ZBTB10: variants seen among roughly 807,000 people sequenced by gnomAD.
ZBTB10 encodes the protein zinc finger and BTB domain containing 10.
ZBTB10 carries 32 observed loss-of-function variants against 76.4 expected under a neutral mutation model. The observed-to-expected ratio is 0.42, with a 90% CI of 0.32 to 0.56. The LOEUF is 0.56. Ranked by LOEUF, ZBTB10 falls within the 20% of genes least tolerant of loss-of-function variation. ZBTB10 has a pLI of 0.14. For synonymous variants in ZBTB10, 523 were observed against 432.9 expected, an observed-to-expected ratio of 1.21 and a Z score of -2.58; for missense variants, 1,057 against 1,098.5, an observed-to-expected ratio of 0.96 and a Z score of 0.53.
At chr8:80,495,049 A>G (rs1815746124) in intron 1 of ZBTB10, among the ~76,000 whole-genome samples, 1 of 151,836 alleles carries the variant, frequency 6.6e-6, no homozygotes. Context: ...TTTCGATTAT[A>G]TCACTGCTTC....
chr8:80,501,396 T>C (rs759026075), intron 2 of ZBTB10, among the ~76,000 whole-genome samples: 5 of 152,256 alleles, frequency 3.3e-5, no homozygotes, highest in Non-Finnish European at 7.3e-5. Context: ...TGCATATCTT[T>C]ATTTGAAGAA....
chr8:80,504,398 T>G (rs1815999794), intron 2 of ZBTB10, among the ~76,000 whole-genome samples: 1 of 152,220 alleles, frequency 6.6e-6, no homozygotes, highest in Non-Finnish European at 1.5e-5. Flanking sequence ...AAGATACAGT[T>G]CTAATAACGC....
intron 1 of ZBTB10, among the ~76,000 whole-genome samples, chr8:80,497,683 CTTT>C (rs397891910): frequency 9.1e-5 from 8 of 87,642 alleles, no homozygotes; most frequent in Admixed American, 1.4e-4. Flanking sequence ...GTCCTGGAAT[CTTT>C]TTTTTTTTTT....
chr8:80,509,120 G>C (rs1816128906), intron 2 of ZBTB10, among the ~76,000 whole-genome samples: 1 of 152,098 alleles, frequency 6.6e-6, no homozygotes, highest in Non-Finnish European at 1.5e-5. Context: ...AACTGTAAAG[G>C]GTGGTTTATA....
At chr8:80,489,696 C>T (rs1226520475) in intron 1 of ZBTB10, among the ~76,000 whole-genome samples, 1 of 152,140 alleles carries the variant, frequency 6.6e-6, no homozygotes, top group Non-Finnish European at 1.5e-5. Flanking sequence ...CTAAACTTGA[C>T]CCGAACTACG....
rs1033055442 is a variant in ZBTB10, at chr8:80,521,608, G to C, written c.*2080G>C. On this transcript the variant is annotated 3_prime_UTR_variant, in exon 6 of 6. Coordinates refer to ENST00000455036, the MANE Select transcript of ZBTB10 (RefSeq NM_001105539.3). ...CAGTTCACTTATTGCATAGAAACTGGACTTGGCTTTACATTCTTAATGTAC... is the reference window on the plus strand; with the variant it reads ...CAGTTCACTTATTGCATAGAAACTGCACTTGGCTTTACATTCTTAATGTAC... The C allele has an allele frequency of 6.6e-6, 1 of 151,638 alleles. No homozygotes were observed. The highest frequency in any genetic ancestry group is 1.5e-5 in the Non-Finnish European group (1 of 67,726). 9.4% of individuals were successfully genotyped at this position (151,638 alleles called of 1,614,324 possible).
chr8:80,493,203 G>A (rs954698207), intron 1 of ZBTB10, among the ~76,000 whole-genome samples: 123 of 107,818 alleles, frequency 1.1e-3, no homozygotes, highest in Non-Finnish European at 2.1e-3. Context: ...ACGCGCGCGC[G>A]CGCGCACACA....
At chr8:80,497,026 G>A (rs1405690717) in intron 1 of ZBTB10, among the ~76,000 whole-genome samples, 1 of 152,098 alleles carries the variant, frequency 6.6e-6, no homozygotes, top group African/African-American at 2.4e-5. Flanking sequence ...TCTATAGAGA[G>A]CATAGGCAAA....
chr8:80,489,135 C>T (rs1442416847), intron 1 of ZBTB10, among the ~76,000 whole-genome samples: 1 of 152,124 alleles, frequency 6.6e-6, no homozygotes, highest in African/African-American at 2.4e-5. Flanking sequence ...AGACTAGAGC[C>T]TGTAAGGAAT....
chr8:80,490,964 G>C (rs537483132), intron 1 of ZBTB10, among the ~76,000 whole-genome samples: 1 of 152,298 alleles, frequency 6.6e-6, no homozygotes, highest in East Asian at 1.9e-4. Flanking sequence ...AGCACTTTGC[G>C]GGGCCGAGGT....
rs1216458670 is a variant in ZBTB10, at chr8:80,524,116, C to T, written c.*4588C>T. The T allele has an allele frequency of 2.0e-5, 3 of 151,952 alleles. No individual in the cohort carries two copies. The highest frequency in any genetic ancestry group is 7.2e-5 in the African/African-American group (3 of 41,420). 9.4% of individuals were successfully genotyped at this position (151,952 alleles called of 1,614,324 possible). On this transcript the variant is annotated 3_prime_UTR_variant, in exon 6 of 6. Transcript: ENST00000455036. ...TAATTCAGATTTCTTTGCAAGTGTACTAATTTAGACTAATTGGGGTAAGGG... is the reference window on the plus strand; with the variant it reads ...TAATTCAGATTTCTTTGCAAGTGTATTAATTTAGACTAATTGGGGTAAGGG...
At chr8:80,497,938 G>A (rs547869538) in intron 1 of ZBTB10, among the ~76,000 whole-genome samples, 1 of 152,170 alleles carries the variant, frequency 6.6e-6, no homozygotes, top group East Asian at 1.9e-4. Flanking sequence ...TGGGATTACA[G>A]GCGTGAGCCA....
At chr8:80,507,638 C>T (rs1258423714) in intron 2 of ZBTB10, among the ~76,000 whole-genome samples, 1 of 152,040 alleles carries the variant, frequency 6.6e-6, no homozygotes, top group Non-Finnish European at 1.5e-5. Flanking sequence ...CCTCTGTCAC[C>T]CAGGCTGGAG....
rs570379653 is a variant in ZBTB10 at position 80,508,802 on chromosome 8, T to TA, written c.1862-5107dup. 5.3e-5 allele frequency among the ~76,000 whole-genome samples: 8 copies of TA among 152,346 alleles called. No homozygotes were observed. In the East Asian group the frequency reaches 1.5e-3, roughly 29 times the overall value. ...AATTTCCTACTACCTTGTCTATAGG[T>TA]ATAACTAGTTATTTTTGTATTGTAA... On this transcript the variant is annotated intron_variant, in intron 2 of 5. Coordinates refer to ENST00000455036, the MANE Select transcript of ZBTB10 (RefSeq NM_001105539.3).
chr8:80,512,510 A>G (rs1342278545), intron 2 of ZBTB10, among the ~76,000 whole-genome samples: 1 of 152,190 alleles, frequency 6.6e-6, no homozygotes, highest in Non-Finnish European at 1.5e-5. Context: ...CAGGCATTCA[A>G]GGCCAGCCTG....
chr8:80,495,943 C>A (rs1270889275), intron 1 of ZBTB10, among the ~76,000 whole-genome samples: 1 of 152,186 alleles, frequency 6.6e-6, no homozygotes, highest in African/African-American at 2.4e-5. Flanking sequence ...ATGTCTGTTT[C>A]TTTAAAATCT....
intron 1 of ZBTB10, among the ~76,000 whole-genome samples, chr8:80,493,208 C>CGCGT (rs58012738): frequency 1.2e-3 from 31 of 26,246 alleles, no homozygotes; most frequent in African/African-American, 3.3e-3. Flanking sequence ...CGCGCGCGCG[C>CGCGT]ACACACACAC....
At chr8:80,519,170 G>C in intron 5 of ZBTB10, 53 bp from the exon 6 acceptor site, 5 of 1,536,948 alleles carry the variant, frequency 3.3e-6, no homozygotes, top group Non-Finnish European at 4.4e-6. Flanking sequence ...TGGTTCAAAT[G>C]CATTCTATTA....
Position 80,524,142 on chromosome 8 carries a change from G to A in ZBTB10, c.*4614G>A, listed in dbSNP as rs563231512. 68 of 152,060 alleles carry A rather than the reference G, an allele frequency of 4.5e-4. No individual in the cohort carries two copies. The highest frequency in any genetic ancestry group is 1.5e-3 in the African/African-American group (64 of 41,516). The allele number at this position is 152,060 out of a possible 1,614,324, so 9.4% of individuals were successfully genotyped here. On this transcript the variant is annotated 3_prime_UTR_variant, in exon 6 of 6. Coordinates refer to ENST00000455036, the MANE Select transcript of ZBTB10 (RefSeq NM_001105539.3). ...TAATTTAGACTAATTGGGGTAAGGG[G>A]AACACCTTAATGAACTTTGACTTAT...
Sources: gnomAD v4.1 joint callset for allele counts (sites outside exome capture counted in the v4.1 genomes callset) on GRCh38, gnomAD v4.1.1 for gene constraint, MANE v1.5 for transcripts, NCBI Gene and HGNC (gene_info 2026-07-23, HGNC 2026-07-21) for gene names.